Variants in LMO2 observed in about 807,000 individuals in gnomAD.
LMO2 encodes LIM domain only 2, also known as rhombotin-2.
In LMO2, 20 loss-of-function variants were observed where a neutral mutation model predicts 23.2. The observed-to-expected ratio is 0.86, with a 90% CI of 0.61 to 1.25. The LOEUF is 1.25. Among genes scored for constraint, LMO2 ranks in the 50% most tolerant of loss-of-function variants. The probability of loss-of-function intolerance (pLI) is 0.00; values close to 1 mark genes in which losing one functional copy is unlikely to be tolerated. For synonymous variants in LMO2, 123 were observed against 130.2 expected, an observed-to-expected ratio of 0.94 and a Z score of 0.38; for missense variants, 270 against 315.3, an observed-to-expected ratio of 0.86 and a Z score of 1.09.
intron 5 of LMO2, among the ~76,000 whole-genome samples, chr11:33,861,475 C>T (rs1039471836): frequency 3.9e-5 from 6 of 152,190 alleles, no homozygotes; most frequent in African/African-American, 1.2e-4. Context: ...ATCCTGCTTT[C>T]CATTTGAAGA....
intron 1 of LMO2, among the ~76,000 whole-genome samples, chr11:33,886,778 G>T (rs1038497613): frequency 1.3e-5 from 2 of 152,164 alleles, no homozygotes; most frequent in Non-Finnish European, 2.9e-5. Flanking sequence ...CTTGCTCCAA[G>T]ATCCACATGG....
Position 33,859,561 on chromosome 11 carries a change from T to C in LMO2, c.479A>G (p.Asp160Gly). ...CTTGTCACAGGATGCGCAGAGACCG[T>C]CTTGCCCAAAAAGCCTGGGGCAAAA... ...RRDYLRLFGQ[D>G]GLCASCDKRI... Residue 160 changes from aspartate to glycine, a missense_variant, in exon 6 of 6, where the codon GAC (aspartate) becomes GGC (glycine). This residue lies in a region of LMO2 where 100 missense variants were observed against 153.3 expected (regional missense o/e 0.65). Transcript: ENST00000257818. 5 of 1,613,986 alleles carry C rather than the reference T, an allele frequency of 3.1e-6. No homozygotes were observed. The highest frequency in any genetic ancestry group is 4.2e-6 in the Non-Finnish European group (5 of 1,180,016).
At chr11:33,872,147 C>T (rs1857040185) in intron 2 of LMO2, among the ~76,000 whole-genome samples, 1 of 152,064 alleles carries the variant, frequency 6.6e-6, no homozygotes, top group Admixed American at 6.5e-5. Flanking sequence ...AAAAATTAGC[C>T]AGGTGTGGTG....
chr11:33,873,627 A>G (rs1057246640), intron 2 of LMO2, among the ~76,000 whole-genome samples: 5 of 152,192 alleles, frequency 3.3e-5, no homozygotes, highest in Admixed American at 6.5e-5. Flanking sequence ...GAAAATCTCT[A>G]TTTGATCCCT....
At chr11:33,887,354 C>G (rs570754547) in intron 1 of LMO2, among the ~76,000 whole-genome samples, 1 of 149,754 alleles carries the variant, frequency 6.7e-6, no homozygotes, top group Non-Finnish European at 1.5e-5. Flanking sequence ...GGACTCATTA[C>G]CGTCAATTTT....
chr11:33,882,246 G>A (rs1857301335), intron 1 of LMO2, among the ~76,000 whole-genome samples: 1 of 152,208 alleles, frequency 6.6e-6, no homozygotes, highest in South Asian at 2.1e-4. Flanking sequence ...TGGTGTATCA[G>A]GTGGCCTTGC....
In LMO2 at chr11:33,878,572, A is replaced by G. The variant is rs115349853; in HGVS notation, c.-272+3252T>C. Among the ~76,000 whole-genome samples the G allele has an allele frequency of 5.7e-3, 876 of 152,358 alleles. 9 individuals are homozygous for G. The highest frequency in any genetic ancestry group is 0.02 in the African/African-American group (831 of 41,580). On this transcript the variant is annotated intron_variant, in intron 2 of 5. Transcript: ENST00000257818. ...GTGGGCAGAGCACAGTGCTTGGAAC[A>G]TAGTAGGTGCTCAGTAAATGGCAAT...
At position 33,864,819 on chromosome 11, in the gene LMO2, T is replaced by C. The variant is rs1280567665; in HGVS notation, c.249-2A>G. 2 of 1,613,068 alleles carry C rather than the reference T, an allele frequency of 1.2e-6. No individual in the cohort carries two copies. The highest frequency in any genetic ancestry group is 2.2e-5 in the South Asian group (2 of 91,066). On this transcript the variant is annotated splice_acceptor_variant, in intron 4 of 5. Coordinates refer to ENST00000257818, the MANE Select transcript of LMO2 (RefSeq NM_005574.4). LOFTEE classifies it high-confidence loss of function. This position sits in a 1 kb window ranked among gnomAD's most constrained non-coding sequence, Gnocchi z 4.8. ...TGCAGCACCTCATCCACTGGTTCCC[T>C]GGAGAGAAGGCCAAGCATCAGGGAC...
chr11:33,875,501 C>T (rs1453641971), intron 2 of LMO2, among the ~76,000 whole-genome samples: 6 of 146,386 alleles, frequency 4.1e-5, no homozygotes, highest in African/African-American at 1.3e-4. Flanking sequence ...TTGCTTGAAC[C>T]TGGGAGGCAG....
intron 1 of LMO2, among the ~76,000 whole-genome samples, chr11:33,885,900 A>G (rs1392019953): frequency 6.6e-6 from 1 of 150,480 alleles, no homozygotes; most frequent in Non-Finnish European, 1.5e-5. Context: ...TTTGAGCCAG[A>G]GTTTCGCTCT....
intron 2 of LMO2, among the ~76,000 whole-genome samples, chr11:33,878,326 G>A (rs1041223542): frequency 1.3e-5 from 2 of 152,010 alleles, no homozygotes; most frequent in Admixed American, 6.6e-5. Flanking sequence ...TCTCTCTATC[G>A]GGGATGTCTG....
intron 5 of LMO2, among the ~76,000 whole-genome samples, chr11:33,860,533 G>T (rs1180883350): frequency 6.6e-6 from 1 of 152,180 alleles, no homozygotes; most frequent in Admixed American, 6.5e-5. Context: ...GGAGGCTGAG[G>T]CAGGCAAATC....
chr11:33,884,476 G>C (rs2133716044), intron 1 of LMO2, among the ~76,000 whole-genome samples: 1 of 152,224 alleles, frequency 6.6e-6, no homozygotes, highest in East Asian at 1.9e-4. Context: ...ATGACATTTT[G>C]CTGGGAGCAA....
chr11:33,890,825 A>G (rs1040810283), intron 1 of LMO2, among the ~76,000 whole-genome samples: 1 of 152,178 alleles, frequency 6.6e-6, no homozygotes, highest in African/African-American at 2.4e-5. Context: ...GGGTACCCCT[A>G]TATTACAAAT....
chr11:33,862,094 C>T (rs1487155949), intron 5 of LMO2, among the ~76,000 whole-genome samples: 2 of 152,126 alleles, frequency 1.3e-5, no homozygotes, highest in African/African-American at 4.8e-5. Flanking sequence ...GATTGATGTG[C>T]CAGTGATTTA....
At chr11:33,863,406 T>G (rs1856654360) in intron 5 of LMO2, among the ~76,000 whole-genome samples, 1 of 152,166 alleles carries the variant, frequency 6.6e-6, no homozygotes. Context: ...TGCCTGCAGT[T>G]TTTTTGGTTT....
chr11:33,863,226 GAC>G (rs1171661769), intron 5 of LMO2, among the ~76,000 whole-genome samples: 5 of 33,776 alleles, frequency 1.5e-4, no homozygotes, highest in African/African-American at 2.9e-4. Flanking sequence ...TATTTTCTGT[GAC>G]TTAAAAAAAA....
chr11:33,869,677 G>T (rs749037272), intron 3 of LMO2, 33 bp downstream of exon 3: 3 of 1,265,228 alleles, frequency 2.4e-6, no homozygotes, highest in Non-Finnish European at 3.0e-6. Flanking sequence ...GGCTCCAGGC[G>T]GCTGCAGCTG....
rs770121727 is a variant in LMO2 at position 33,864,631 on chromosome 11, G to C, written c.435C>G (p.Gly145=). 188 of 1,613,720 alleles carry C rather than the reference G, an allele frequency of 1.2e-4. 1 individual carries two copies. The highest frequency in any genetic ancestry group is 1.5e-4 in the Non-Finnish European group (181 of 1,180,002). Residue 145 remains glycine (G), a synonymous_variant, in exon 5 of 6, where the codon GGC becomes GGG. Coordinates refer to ENST00000257818, the MANE Select transcript of LMO2 (RefSeq NM_005574.4). The surrounding 1 kb of genome is among the most constrained non-coding windows in gnomAD (Gnocchi z 4.8). ...EVGRRLYYKL[G]RKLCRRDYLR... The stretch of plus-strand genomic sequence containing the variant: ...GATAGTCTCTCCGGCAGAGCTTCCG[G>C]CCCAGTTTGTAGTAGAGGCGCCGCC...
Sources: gnomAD v4.1 joint callset for allele counts (sites outside exome capture counted in the v4.1 genomes callset) on GRCh38, gnomAD v4.1.1 for gene constraint, gnomAD v4.1.1 regional missense constraint, Gnocchi (gnomAD v3.1) non-coding constraint, MANE v1.5 for transcripts, NCBI Gene and HGNC (gene_info 2026-07-23, HGNC 2026-07-21) for gene names.